The following UNC79 variants were observed in gnomAD, a reference collection of about 807,000 sequenced individuals.
The protein encoded by UNC79 is unc-79 subunit of NALCN channel complex.
Under a neutral mutation model 283.1 loss-of-function variants are expected in UNC79, and 37 were observed. The observed-to-expected ratio is 0.13, with a 90% confidence interval of 0.10 to 0.17. The LOEUF is 0.17. Among genes scored for constraint, UNC79 ranks in the 10% least tolerant of loss-of-function variants. UNC79 has a pLI of 1.00. For missense variants in UNC79, 2,272 were observed against 3,211.1 expected (o/e 0.71, Z 7.07); for synonymous variants, 1,107 against 1,200.2 (o/e 0.92, Z 1.61).
chr14:93,350,852 G>A (rs773705510), intron 1 of UNC79, among the ~76,000 whole-genome samples: 2 of 152,078 alleles, frequency 1.3e-5, no homozygotes, highest in Non-Finnish European at 2.9e-5. Context: ...TCCAGCTGTT[G>A]TGGCCTAATA....
intron 1 of UNC79, among the ~76,000 whole-genome samples, chr14:93,404,509 T>TATATATATATATATATAA (rs1566915254): frequency 1.8e-5 from 2 of 113,980 alleles, no homozygotes; most frequent in East Asian, 4.5e-4. Flanking sequence ...TATATATATA[T>TATATATATATATATATAA]ATATAAATAT....
chr14:93,475,364 C>A (rs988357643), intron 3 of UNC79, among the ~76,000 whole-genome samples: 3 of 152,026 alleles, frequency 2.0e-5, no homozygotes. Flanking sequence ...TGGCTAACTC[C>A]CCTAAGAGAA....
At chr14:93,570,938 G>A (rs1374458450) in intron 14 of UNC79, among the ~76,000 whole-genome samples, 5 of 152,124 alleles carry the variant, frequency 3.3e-5, no homozygotes, top group African/African-American at 1.2e-4. Context: ...TATTAGTGCT[G>A]GCTCTTTTCT....
intron 7 of UNC79, among the ~76,000 whole-genome samples, chr14:93,522,633 C>A (rs998251404): frequency 6.6e-6 from 1 of 152,052 alleles, no homozygotes; most frequent in African/African-American, 2.4e-5. Context: ...AGTTATGAAG[C>A]GCCTATACCG....
chr14:93,707,869 T>A (rs1001165483), downstream of UNC79: 2 of 152,338 alleles, frequency 1.3e-5, no homozygotes, highest in African/African-American at 4.8e-5. Context: ...TAAATGCGTT[T>A]TTTATTATCT....
intron 32 of UNC79, among the ~76,000 whole-genome samples, chr14:93,638,956 G>A (rs2068761329): frequency 6.6e-6 from 1 of 152,180 alleles, no homozygotes; most frequent in Non-Finnish European, 1.5e-5. Context: ...GAACCTGTCT[G>A]CTTTTATAGA....
chr14:93,337,450 T>G (rs1436760222), intron 1 of UNC79, among the ~76,000 whole-genome samples: 1 of 152,278 alleles, frequency 6.6e-6, no homozygotes, highest in South Asian at 2.1e-4. Context: ...CTGTGGATGG[T>G]GACATACTCC....
chr14:93,695,226 G>A (rs892193475), intron 47 of UNC79, among the ~76,000 whole-genome samples: 12 of 151,726 alleles, frequency 7.9e-5, no homozygotes, highest in Non-Finnish European at 1.5e-4. Flanking sequence ...CTTGGCCACT[G>A]TCACCAACCA....
chr14:93,511,683 G>A (rs2059834394), intron 7 of UNC79, among the ~76,000 whole-genome samples: 1 of 152,086 alleles, frequency 6.6e-6, no homozygotes, highest in African/African-American at 2.4e-5. Context: ...TTGACCTCGT[G>A]ATCCACCTGC....
intron 1 of UNC79, among the ~76,000 whole-genome samples, chr14:93,349,176 G>C (rs535477471): frequency 6.6e-6 from 1 of 152,310 alleles, no homozygotes; most frequent in East Asian, 1.9e-4. Context: ...AACACTCACC[G>C]TGAAGGTCTG....
chr14:93,461,673 G>A (rs904690355), intron 1 of UNC79, among the ~76,000 whole-genome samples: 1 of 152,078 alleles, frequency 6.6e-6, no homozygotes, highest in Admixed American at 6.5e-5. Context: ...GTATACAATG[G>A]TGAACAAAAA....
At chr14:93,619,391 A>G (rs1329076732) in intron 29 of UNC79, among the ~76,000 whole-genome samples, 1 of 152,206 alleles carries the variant, frequency 6.6e-6, no homozygotes, top group Non-Finnish European at 1.5e-5. Context: ...GTGGTCTTTC[A>G]GTCTTGAGTG....
rs79916637 is a variant in UNC79, at chr14:93,337,495, G to A, written c.-351+3972G>A. Among the ~76,000 whole-genome samples the A allele has an allele frequency of 1.8e-4, 27 of 152,282 alleles. No individual in the cohort carries two copies. The East Asian group carries it at 3.9e-3, about 22-fold the overall frequency. ...GGAGTGAAGAGTGGCGAACCTTCTG[G>A]GGCCCAGACCTGGGGATTCCCCAAC... On this transcript the variant is annotated intron_variant, in intron 1 of 49. Coordinates refer to the UNC79 transcript ENST00000256339.
At chr14:93,348,475 G>A (rs2139905004) in intron 1 of UNC79, 1 of 192,868 alleles carries the variant, frequency 5.2e-6, no homozygotes, top group Non-Finnish European at 1.1e-5. Flanking sequence ...GGGAGTGAAT[G>A]TATCTAGTGA....
chr14:93,438,310 CT>C (rs1387122142), intron 1 of UNC79, among the ~76,000 whole-genome samples: 1 of 152,136 alleles, frequency 6.6e-6, no homozygotes, highest in Admixed American at 6.5e-5. Context: ...TGTCTATTCA[CT>C]TATTCAACCA....
chr14:93,621,880 A>G lies in UNC79; in HGVS notation c.4647A>G (p.Arg1549=). The G allele has an allele frequency of 6.2e-7, 1 of 1,614,070 alleles. No homozygotes were observed. The highest frequency in any genetic ancestry group is 8.5e-7 in the Non-Finnish European group (1 of 1,180,008). The change falls in exon 30 of 49, where the codon AGA becomes AGG. Residue 1549 remains arginine (R), a synonymous_variant. Transcript: ENST00000555664. This position sits in a 1 kb window ranked among gnomAD's most constrained non-coding sequence, Gnocchi z 4.8. ...GACCAAACGACCCTGGACGTTCTAG[A>G]CAGAACTCTGCTACGAGGCCTGACA...
chr14:93,534,725 C>T (rs183808983), intron 11 of UNC79, among the ~76,000 whole-genome samples: 1 of 152,258 alleles, frequency 6.6e-6, no homozygotes, highest in Non-Finnish European at 1.5e-5. Context: ...GGATTTCAAA[C>T]AGTTCTATTT....
intron 26 of UNC79, among the ~76,000 whole-genome samples, chr14:93,607,355 A>ATC (rs2065959419): frequency 6.6e-6 from 1 of 152,226 alleles, no homozygotes; most frequent in Admixed American, 6.5e-5. Context: ...TATATATAGT[A>ATC]TCTCTTTACT....
chr14:93,440,224 T>G (rs1215895851), intron 1 of UNC79, among the ~76,000 whole-genome samples: 1 of 147,850 alleles, frequency 6.8e-6, no homozygotes, highest in Non-Finnish European at 1.5e-5. Flanking sequence ...AGGATTTTGG[T>G]ACCTGCAGAA....
Sources: allele counts gnomAD v4.1 joint callset (sites outside exome capture counted in the v4.1 genomes callset), GRCh38; gene constraint gnomAD v4.1.1; non-coding constraint Gnocchi (gnomAD v3.1); transcripts MANE v1.5; gene names NCBI Gene and HGNC (gene_info 2026-07-23, HGNC 2026-07-21).